The following CTNNA2 variants were observed in gnomAD, a reference collection of about 807,000 sequenced individuals.
CTNNA2 encodes the protein catenin alpha 2.
Under a neutral mutation model 101.0 loss-of-function variants are expected in CTNNA2, and 42 were observed. The ratio of observed to expected loss-of-function variants is 0.42; its 90% CI spans 0.32 to 0.54. The LOEUF (loss-of-function observed/expected upper bound fraction) is 0.54, where lower values mean the gene tolerates loss of function less well. CTNNA2 is among the 20% of genes least tolerant of loss of function. CTNNA2 has a pLI of 0.14. For missense variants in CTNNA2, 871 were observed against 1,223.1 expected, an observed-to-expected ratio of 0.71 and a Z score of 4.29; for synonymous variants, 450 against 456.4, an observed-to-expected ratio of 0.99 and a Z score of 0.18.
chr2:80,138,280 G>GA (rs1178042223), intron 7 of CTNNA2, among the ~76,000 whole-genome samples: 1 of 151,840 alleles, frequency 6.6e-6, no homozygotes, highest in African/African-American at 2.4e-5. Flanking sequence ...TCTTGGGGTG[G>GA]AAAAAAAGGC....
At chr2:79,899,529 A>G (rs987311859) in intron 6 of CTNNA2, among the ~76,000 whole-genome samples, 2 of 152,194 alleles carry the variant, frequency 1.3e-5, no homozygotes, top group African/African-American at 4.8e-5. Context: ...TCTAAATATA[A>G]GCTTCTTCTC....
At chr2:80,203,748 A>T (rs1212236945) in intron 7 of CTNNA2, among the ~76,000 whole-genome samples, 1 of 152,192 alleles carries the variant, frequency 6.6e-6, no homozygotes, top group Non-Finnish European at 1.5e-5. Context: ...CAGCTCCACT[A>T]GGTGGTGCCC....
intron 3 of CTNNA2, among the ~76,000 whole-genome samples, chr2:79,324,807 G>A (rs1348609923): frequency 6.6e-6 from 1 of 152,054 alleles, no homozygotes; most frequent in Non-Finnish European, 1.5e-5. Context: ...AATGGTTCGT[G>A]CCCAGAAGCC....
At chr2:79,600,872 C>T (rs1032152046) in intron 1 of CTNNA2, among the ~76,000 whole-genome samples, 7 of 152,072 alleles carry the variant, frequency 4.6e-5, no homozygotes, top group African/African-American at 1.7e-4. Flanking sequence ...GAGATCATCT[C>T]TCTGCTGTTT....
chr2:80,608,535 A>G (rs1006157731), intron 17 of CTNNA2: 2 of 386,384 alleles, frequency 5.2e-6, no homozygotes, highest in African/African-American at 2.0e-5. Flanking sequence ...AGCCTTGTAA[A>G]ATCTCCATTC....
intron 18 of CTNNA2, among the ~76,000 whole-genome samples, chr2:80,642,328 G>A (rs1558672287): frequency 6.6e-6 from 1 of 152,136 alleles, no homozygotes; most frequent in East Asian, 1.9e-4. Flanking sequence ...TGTTCATTTA[G>A]CATCTCGCAT....
chr2:80,016,118 C>T (rs1694120544), intron 7 of CTNNA2, among the ~76,000 whole-genome samples: 1 of 152,148 alleles, frequency 6.6e-6, no homozygotes, highest in African/African-American at 2.4e-5. Context: ...TAAAAAAGAA[C>T]ATCTGAGCAT....
chr2:79,601,213 T>C (rs1315594138), intron 1 of CTNNA2, among the ~76,000 whole-genome samples: 1 of 152,236 alleles, frequency 6.6e-6, no homozygotes, highest in African/African-American at 2.4e-5. Flanking sequence ...TGTATAAGAC[T>C]ACTCTTCGAT....
intron 7 of CTNNA2, among the ~76,000 whole-genome samples, chr2:79,912,577 G>A (rs1685885297): frequency 6.6e-6 from 1 of 152,206 alleles, no homozygotes; most frequent in Non-Finnish European, 1.5e-5. Flanking sequence ...TCATGGCGGT[G>A]GTAGAAAGGA....
intron 7 of CTNNA2, among the ~76,000 whole-genome samples, chr2:80,370,068 G>A (rs1248064832): frequency 2.6e-5 from 4 of 152,130 alleles, no homozygotes; most frequent in Admixed American, 2.0e-4. Context: ...ACACTTAAAC[G>A]ATAGCTCACT....
At chr2:79,594,984 C>T (rs1284327427) in intron 1 of CTNNA2, among the ~76,000 whole-genome samples, 4 of 151,582 alleles carry the variant, frequency 2.6e-5, no homozygotes, top group Non-Finnish European at 4.4e-5. Context: ...ATTGTGTTTC[C>T]CCCAAGGTGC....
intron 7 of CTNNA2, among the ~76,000 whole-genome samples, chr2:80,296,542 T>A (rs1675758389): frequency 1.3e-5 from 2 of 152,230 alleles, no homozygotes; most frequent in African/African-American, 4.8e-5. Context: ...CTAAGGGCTT[T>A]TAATTTAGAT....
intron 12 of CTNNA2, among the ~76,000 whole-genome samples, chr2:80,560,573 C>T (rs1836201): frequency 0.27 from 40,290 of 151,990 alleles, 6,358 homozygotes; most frequent in East Asian, 0.38. Flanking sequence ...CCATGAGTCC[C>T]CTGTATAAAC....
intron 7 of CTNNA2, chr2:80,162,558 C>T: frequency 6.2e-7 from 1 of 1,608,738 alleles, no homozygotes; most frequent in Non-Finnish European, 8.5e-7. Flanking sequence ...TCATCTCTTT[C>T]CTCTGTAATG....
chr2:79,485,484 C>T (rs1463971285), intron 4 of CTNNA2, among the ~76,000 whole-genome samples: 3 of 152,176 alleles, frequency 2.0e-5, no homozygotes, highest in African/African-American at 7.2e-5. Flanking sequence ...TATACTGCTC[C>T]TAAGTTTGCA....
intron 14 of CTNNA2, among the ~76,000 whole-genome samples, chr2:80,587,442 A>G (rs1696074050): frequency 6.6e-6 from 1 of 152,146 alleles, no homozygotes; most frequent in South Asian, 2.1e-4. Context: ...GCTTACTTTC[A>G]TTTTATTTGA....
At chr2:79,274,180 A>G (rs1291469448) in intron 2 of CTNNA2, among the ~76,000 whole-genome samples, 1 of 152,166 alleles carries the variant, frequency 6.6e-6, no homozygotes, top group East Asian at 1.9e-4. Flanking sequence ...TGTAAGAGGA[A>G]TGGTTTATGT....
chr2:79,804,124 G>A (rs1043384474), intron 3 of CTNNA2, among the ~76,000 whole-genome samples: 3 of 152,064 alleles, frequency 2.0e-5, no homozygotes, highest in East Asian at 1.9e-4. Flanking sequence ...AGTTAAAATT[G>A]TAATCTCAAT....
chr2:79,403,034 C>A (rs1452090245), intron 4 of CTNNA2, among the ~76,000 whole-genome samples: 1 of 151,534 alleles, frequency 6.6e-6, no homozygotes. Context: ...AAATTAATAA[C>A]CTAACATTTC....
Sources: allele counts gnomAD v4.1 joint callset (sites outside exome capture counted in the v4.1 genomes callset), GRCh38; gene constraint gnomAD v4.1.1; transcripts MANE v1.5; gene names NCBI Gene and HGNC (gene_info 2026-07-23, HGNC 2026-07-21).